The following SLC35A5 variants were observed in gnomAD, a reference collection of about 807,000 sequenced individuals.
SLC35A5 encodes solute carrier family 35 member A5, also known as UDP-sugar transporter protein SLC35A5.
In SLC35A5, 28 loss-of-function variants were observed where a neutral mutation model predicts 36.3. That is an observed-to-expected ratio of 0.77 (90% confidence interval 0.57 to 1.06). The LOEUF is 1.06. SLC35A5 is among the 50% of genes least tolerant of loss of function. SLC35A5 has a pLI of 0.00. For missense variants in SLC35A5, 521 were observed against 499.3 expected, an observed-to-expected ratio of 1.04 and a Z score of -0.41; for synonymous variants, 180 against 173.7, an observed-to-expected ratio of 1.04 and a Z score of -0.29.
In SLC35A5 at chr3:112,581,221, C is replaced by G. The variant is rs1934904218; in HGVS notation, c.1104C>G (p.Leu368=). The G allele has an allele frequency of 6.2e-7, 1 of 1,613,740 alleles. No individual in the cohort carries two copies. Among genetic ancestry groups the G allele is most frequent in the Non-Finnish European group, 8.5e-7 (1 of 1,179,908 alleles). Residue 368 remains leucine, a synonymous_variant, in exon 6 of 7, where the codon CTC becomes CTG. Coordinates refer to ENST00000492406, the MANE Select transcript of SLC35A5 (RefSeq NM_017945.5). Reference sequence around the variant, plus strand: ...TCTTGGAAGCCCCATCAGTCCTTCTCTCTATATTTATTTATAATGCCAGCA... The same window carrying G: ...TCTTGGAAGCCCCATCAGTCCTTCTGTCTATATTTATTTATAATGCCAGCA... The part of the protein sequence containing the change: ...EFFLEAPSVL[L]SIFIYNASKP...
chr3:112,577,301 A>G (rs1054869071), intron 5 of SLC35A5, among the ~76,000 whole-genome samples: 1 of 152,138 alleles, frequency 6.6e-6, no homozygotes, highest in Admixed American at 6.5e-5. Context: ...GATTATTAGC[A>G]TGTTATTTTC....
At chr3:112,582,279 C>T (rs1934963077) in intron 6 of SLC35A5, among the ~76,000 whole-genome samples, 1 of 152,086 alleles carries the variant, frequency 6.6e-6, no homozygotes, top group African/African-American at 2.4e-5. Context: ...CTGCTCTTAG[C>T]CAGAGTGTAT....
intron 5 of SLC35A5, among the ~76,000 whole-genome samples, chr3:112,580,057 C>T (rs1020881011): frequency 2.0e-5 from 3 of 152,202 alleles, no homozygotes; most frequent in Non-Finnish European, 2.9e-5. Context: ...TAACCTTCTC[C>T]TTTAAATCTT....
intron 5 of SLC35A5, among the ~76,000 whole-genome samples, chr3:112,578,472 T>C (rs1934759464): frequency 6.6e-6 from 1 of 152,164 alleles, no homozygotes; most frequent in Non-Finnish European, 1.5e-5. Flanking sequence ...CATTACTATG[T>C]TTTACCGAGG....
chr3:112,579,565 G>A (rs1237422304), intron 5 of SLC35A5, among the ~76,000 whole-genome samples: 2 of 151,664 alleles, frequency 1.3e-5, no homozygotes, highest in Non-Finnish European at 2.9e-5. Context: ...TCTTCCCTCT[G>A]CCTGGATATA....
In SLC35A5 at chr3:112,580,590, T is replaced by A. The variant is rs768169817; in HGVS notation, c.473T>A (p.Phe158Tyr). The change falls in exon 6 of 7, where the codon TTT becomes TAT. Residue 158 changes from phenylalanine (F) to tyrosine (Y), a missense_variant. Physicochemically the swap from Phe to Tyr is conservative, Grantham distance 22. Coordinates refer to ENST00000492406, the MANE Select transcript of SLC35A5 (RefSeq NM_017945.5). ...WIQWASLLTLFLSIVALTAGT... is the reference protein window; with the variant it reads ...WIQWASLLTLYLSIVALTAGT... ...CAGTGGGCTTCCCTCCTGACTTTAT[T>A]TTTGTCTATTGTGGCCTTGACTGCC... 2.6e-5 allele frequency: 42 copies of A among 1,613,870 alleles called. No individual in the cohort carries two copies. The highest frequency in any genetic ancestry group is 1.6e-4 in the Middle Eastern group (1 of 6,084).
intron 5 of SLC35A5, among the ~76,000 whole-genome samples, chr3:112,576,409 G>A (rs1934680856): frequency 6.8e-6 from 1 of 147,246 alleles, no homozygotes; most frequent in Non-Finnish European, 1.5e-5. Flanking sequence ...ACAGGCGTGA[G>A]CCACCGCGTC....
intron 4 of SLC35A5, among the ~76,000 whole-genome samples, chr3:112,572,022 A>C (rs1461175108): frequency 3.7e-5 from 5 of 134,110 alleles, no homozygotes; most frequent in African/African-American, 1.1e-4. Flanking sequence ...GGCTCACTGC[A>C]AGCTCCGCTT....
chr3:112,568,789 G>A (rs541017956), intron 2 of SLC35A5, among the ~76,000 whole-genome samples: 31 of 152,340 alleles, frequency 2.0e-4, no homozygotes, highest in Admixed American at 4.6e-4. Flanking sequence ...ATTATGAGCT[G>A]AGTAATAATT....
In SLC35A5 at chr3:112,563,552, T is replaced by C. The variant is rs375411106; in HGVS notation, c.130+19T>C. The C allele has an allele frequency of 1.9e-6, 3 of 1,583,004 alleles. No homozygotes were observed. In the African/African-American group the frequency reaches 4.0e-5, roughly 21 times the overall value. ...AATGAAGGTAAGTTAAGACTTGGTA[T>C]ATGCATGGAGCACTTCCATCTAATC... On this transcript the variant is annotated intron_variant, in intron 2 of 6. Transcript: ENST00000492406.
intron 2 of SLC35A5, among the ~76,000 whole-genome samples, chr3:112,567,100 C>T (rs1471459281): frequency 6.6e-6 from 1 of 151,876 alleles, no homozygotes; most frequent in Non-Finnish European, 1.5e-5. Context: ...GTGGCGGGCA[C>T]CTGTAGTCCC....
intron 5 of SLC35A5, among the ~76,000 whole-genome samples, chr3:112,575,568 A>G (rs563399080): frequency 1.6e-4 from 24 of 152,008 alleles, no homozygotes; most frequent in African/African-American, 5.5e-4. Flanking sequence ...TTTTAATAAT[A>G]ACTAACACTG....
In SLC35A5 at chr3:112,581,113, T is replaced by TGTCTTGA; in HGVS notation, c.997_1003dup (p.Met335SerfsTer20). 1.2e-6 allele frequency: 2 copies of TGTCTTGA among 1,614,084 alleles called. No individual in the cohort carries two copies. Among genetic ancestry groups the TGTCTTGA allele is most frequent in the Non-Finnish European group, 1.7e-6 (2 of 1,179,960 alleles). On this transcript the variant is annotated frameshift_variant, in exon 6 of 7. Coordinates refer to ENST00000492406, the MANE Select transcript of SLC35A5 (RefSeq NM_017945.5). LOFTEE classifies it high-confidence loss of function. ...TGAAGTTCCTGGATAACATGTTCCA[T>TGTCTTGA]GTCTTGATGGCCCAGGTTACCACTG...
chr3:112,567,540 A>G (rs1934255361), intron 2 of SLC35A5, among the ~76,000 whole-genome samples: 1 of 152,118 alleles, frequency 6.6e-6, no homozygotes, highest in South Asian at 2.1e-4. Flanking sequence ...CCTGACCTCA[A>G]GTGATCCACC....
At chr3:112,575,681 G>C (rs1934636624) in intron 5 of SLC35A5, among the ~76,000 whole-genome samples, 1 of 150,294 alleles carries the variant, frequency 6.7e-6, no homozygotes, top group African/African-American at 2.4e-5. Flanking sequence ...ACATCTCTCT[G>C]TTTTGAGTCC....
At position 112,564,752 on chromosome 3, in the gene SLC35A5, C is replaced by A. The variant is rs117861923; in HGVS notation, c.130+1219C>A. On this transcript the variant is annotated intron_variant, in intron 2 of 6. Coordinates refer to ENST00000492406, the MANE Select transcript of SLC35A5 (RefSeq NM_017945.5). ...CTAGGCAGAGGTCGCTGCGGCTTTCCACAGTGTTTTGTGTCCCTGCGTACT... is the reference window on the plus strand; with the variant it reads ...CTAGGCAGAGGTCGCTGCGGCTTTCAACAGTGTTTTGTGTCCCTGCGTACT... Among the ~76,000 whole-genome samples, 38 of 152,278 alleles carry A rather than the reference C, an allele frequency of 2.5e-4. No homozygotes were observed. The East Asian group carries it at 5.6e-3, about 22-fold the overall frequency.
chr3:112,573,865 A>T (rs1418336334), intron 4 of SLC35A5, 24 bp from the exon 5 acceptor site: 1 of 1,594,066 alleles, frequency 6.3e-7, no homozygotes, highest in East Asian at 2.2e-5. Flanking sequence ...TTGGATTGTA[A>T]CTCTATCTTC....
upstream of SLC35A5, chr3:112,561,965 A>G: frequency 5.2e-6 from 1 of 192,754 alleles, no homozygotes; most frequent in Non-Finnish European, 1.1e-5. Context: ...GTGACACTAG[A>G]CTCTCCCGGC....
upstream of SLC35A5, chr3:112,561,380 G>A (rs1933870538): frequency 6.8e-7 from 1 of 1,469,654 alleles, no homozygotes; most frequent in Admixed American, 1.7e-5. Context: ...CGGAGAAAGC[G>A]GGGACTCCTG....
Sources: allele counts gnomAD v4.1 joint callset (sites outside exome capture counted in the v4.1 genomes callset), GRCh38; gene constraint gnomAD v4.1.1; transcripts MANE v1.5; gene names NCBI Gene and HGNC (gene_info 2026-07-23, HGNC 2026-07-21).